COL14A1: variants seen among roughly 807,000 people sequenced by gnomAD.
COL14A1 encodes collagen type XIV alpha 1 chain, also known as collagen alpha-1(XIV) chain.
A neutral mutation model predicts 230.3 loss-of-function variants in COL14A1; 136 were observed. The observed-to-expected ratio is 0.59, with a 90% CI of 0.51 to 0.68. The LOEUF is 0.68. COL14A1 is among the 30% of genes least tolerant of loss of function. COL14A1 has a pLI of 0.00. For missense variants in COL14A1, 1,976 were observed against 2,215.8 expected (o/e 0.89, Z 2.17); for synonymous variants, 792 against 784.1 (o/e 1.01, Z -0.17).
At chr8:120,236,399 T>C (rs2130831471) in intron 19 of COL14A1, among the ~76,000 whole-genome samples, 1 of 151,776 alleles carries the variant, frequency 6.6e-6, no homozygotes, top group South Asian at 2.1e-4. Flanking sequence ...TGATCTTTGT[T>C]GGCTTAAAAT....
chr8:120,180,971 T>G (rs566025211), intron 5 of COL14A1, among the ~76,000 whole-genome samples: 21 of 152,248 alleles, frequency 1.4e-4, no homozygotes, highest in African/African-American at 4.8e-4. Flanking sequence ...CCTCCCAAAG[T>G]GCTGGGATTA....
At chr8:120,215,959 G>C (rs1481351532) in intron 13 of COL14A1, among the ~76,000 whole-genome samples, 2 of 152,208 alleles carry the variant, frequency 1.3e-5, no homozygotes, top group African/African-American at 4.8e-5. Flanking sequence ...AAATTGTGGA[G>C]CTTAGAGGTA....
chr8:120,197,893 C>T lies in COL14A1; in HGVS notation c.675C>T (p.Val225=). 1 of 1,613,576 alleles carries T rather than the reference C, an allele frequency of 6.2e-7. No homozygotes were observed. The highest frequency in any genetic ancestry group is 1.3e-5 in the African/African-American group (1 of 75,002). ...CAAAAGATGAAGTGATTGAAGCTGT[C>T]CGAAACCTCCCATATAAAGGAGGAA... ...FSTKDEVIEA[V]RNLPYKGGNT... The change falls in exon 7 of 48, where the codon GTC becomes GTT. Residue 225 remains valine (V), a synonymous_variant. Transcript: ENST00000297848.
At chr8:120,278,084 G>T in intron 26 of COL14A1, 27 bp from the exon 27 acceptor site, 1 of 1,579,986 alleles carries the variant, frequency 6.3e-7, no homozygotes, top group South Asian at 1.2e-5. Flanking sequence ...ACATATGTGT[G>T]AAAATGAATA....
In COL14A1 at chr8:120,250,717, C is replaced by T. The variant is rs1818913833; in HGVS notation, c.2703C>T (p.Ala901=). Residue 901 remains alanine (A), a synonymous_variant, in exon 22 of 48, where the codon GCC becomes GCT. Transcript: ENST00000297848. The part of the protein sequence containing the change: ...SGMDYNVKIF[A]SQASGFSDAL... ...TGGACTACAATGTGAAGATATTTGCCTCCCAGGCCTCAGGCTTCAGCGACG... is the reference window on the plus strand; with the variant it reads ...TGGACTACAATGTGAAGATATTTGCTTCCCAGGCCTCAGGCTTCAGCGACG... 3.7e-6 allele frequency: 6 copies of T among 1,614,220 alleles called. No homozygotes were observed. In the East Asian group the frequency reaches 1.3e-4, roughly 36 times the overall value.
At chr8:120,161,018 T>C (rs960503309) in intron 3 of COL14A1, among the ~76,000 whole-genome samples, 10 of 152,130 alleles carry the variant, frequency 6.6e-5, no homozygotes, top group African/African-American at 2.4e-4. Flanking sequence ...GAAACACACA[T>C]TGTGAAAGAT....
At chr8:120,278,637 A>T (rs879727156) in intron 28 of COL14A1, 59 bp downstream of exon 28, 72 of 1,499,070 alleles carry the variant, frequency 4.8e-5, no homozygotes, top group Non-Finnish European at 6.3e-5. Context: ...TATTTTCTAA[A>T]TACAAATTTA....
chr8:120,210,826 C>A (rs1434843888), intron 12 of COL14A1, among the ~76,000 whole-genome samples: 2 of 152,054 alleles, frequency 1.3e-5, no homozygotes, highest in Non-Finnish European at 2.9e-5. Context: ...GTGTCAAGAA[C>A]AGAGTATTGG....
At chr8:120,204,577 G>A (rs1817369809) in intron 9 of COL14A1, among the ~76,000 whole-genome samples, 1 of 152,150 alleles carries the variant, frequency 6.6e-6, no homozygotes, top group Non-Finnish European at 1.5e-5. Flanking sequence ...CACACATTGA[G>A]GGGCACCTGG....
At chr8:120,149,029 C>T (rs966258540) in intron 2 of COL14A1, among the ~76,000 whole-genome samples, 6 of 152,110 alleles carry the variant, frequency 3.9e-5, no homozygotes, top group East Asian at 1.9e-4. Flanking sequence ...CTATGTGTCC[C>T]GCAAAGCCAA....
At chr8:120,297,934 T>C (rs919500194) in intron 35 of COL14A1, among the ~76,000 whole-genome samples, 1 of 152,052 alleles carries the variant, frequency 6.6e-6, no homozygotes, top group African/African-American at 2.4e-5. Context: ...TCCAAACATC[T>C]TACTAAATAT....
rs193026123 is a variant in COL14A1, at chr8:120,141,560, A to G, written c.-37-6246A>G. Among the ~76,000 whole-genome samples the G allele has an allele frequency of 1.6e-3, 251 of 152,210 alleles. 1 individual carries two copies. Among genetic ancestry groups the G allele is most frequent in the Non-Finnish European group, 2.7e-3 (181 of 68,016 alleles). On this transcript the variant is annotated intron_variant, in intron 1 of 47. Transcript: ENST00000297848. Reference sequence around the variant, plus strand: ...ACCCTGTCTCAAAAAAAAGAAAACAAAAGAAAAGAAAAAAAGGGTTTTAAA... The same window carrying G: ...ACCCTGTCTCAAAAAAAAGAAAACAGAAGAAAAGAAAAAAAGGGTTTTAAA...
chr8:120,156,766 A>G (rs941667459), intron 2 of COL14A1, among the ~76,000 whole-genome samples: 1 of 152,218 alleles, frequency 6.6e-6, no homozygotes, highest in African/African-American at 2.4e-5. Flanking sequence ...TGCAAAAAGT[A>G]TTGCCATCAC....
chr8:120,183,147 G>C (rs1172226213), intron 5 of COL14A1, among the ~76,000 whole-genome samples: 1 of 152,168 alleles, frequency 6.6e-6, no homozygotes, highest in African/African-American at 2.4e-5. Context: ...TACATTACAG[G>C]AGATGGGGGA....
intron 26 of COL14A1, among the ~76,000 whole-genome samples, chr8:120,274,177 A>G (rs1429752174): frequency 6.6e-6 from 1 of 151,846 alleles, no homozygotes; most frequent in Admixed American, 6.6e-5. Context: ...GGCTTAACAT[A>G]CACAAGTCAA....
Position 120,227,280 on chromosome 8 carries a change from T to A in COL14A1, c.2065T>A (p.Tyr689Asn), listed in dbSNP as rs751961801. The change falls in exon 17 of 48, where the codon TAT becomes AAT. Residue 689 changes from tyrosine (Y) to asparagine (N), a missense_variant. Physicochemically the swap from Tyr to Asn is moderately radical, Grantham distance 143. Transcript: ENST00000297848. ...VIEGLEPGTE[Y>N]EVSLLAVLDD... ...TGAAGGCCTGGAGCCCGGTACGGAG[T>A]ATGAAGTTTCACTATTGGCCGTACT... 1 of 1,613,882 alleles carries A rather than the reference T, an allele frequency of 6.2e-7. No individual in the cohort carries two copies. Among genetic ancestry groups the A allele is most frequent in the Non-Finnish European group, 8.5e-7 (1 of 1,179,956 alleles).
At chr8:120,234,402 G>A (rs567180321) in intron 19 of COL14A1, among the ~76,000 whole-genome samples, 2 of 152,240 alleles carry the variant, frequency 1.3e-5, no homozygotes, top group Admixed American at 1.3e-4. Context: ...ATTTTCAAAG[G>A]GAATGCTTCC....
chr8:120,249,261 A>G (rs1818866597), intron 21 of COL14A1, among the ~76,000 whole-genome samples: 1 of 152,092 alleles, frequency 6.6e-6, no homozygotes, highest in East Asian at 1.9e-4. Context: ...GCCCCATATC[A>G]ATTTTCAGCC....
At chr8:120,298,952 A>C (rs751011339) in intron 35 of COL14A1, among the ~76,000 whole-genome samples, 3 of 151,852 alleles carry the variant, frequency 2.0e-5, no homozygotes, top group Non-Finnish European at 4.4e-5. Flanking sequence ...CCTTCTTCAG[A>C]AGGTGGCAGC....
Sources: gnomAD v4.1 joint callset for allele counts (sites outside exome capture counted in the v4.1 genomes callset) on GRCh38, gnomAD v4.1.1 for gene constraint, MANE v1.5 for transcripts, NCBI Gene and HGNC (gene_info 2026-07-23, HGNC 2026-07-21) for gene names.